The following C3orf20 variants were observed in gnomAD, a reference collection of about 807,000 sequenced individuals.
The protein encoded by C3orf20 is family with sequence similarity 149 member C.
Under a neutral mutation model 88.3 loss-of-function variants are expected in C3orf20, and 76 were observed. The ratio of observed to expected loss-of-function variants is 0.86; its 90% CI spans 0.72 to 1.04. The LOEUF (loss-of-function observed/expected upper bound fraction) is 1.04, where lower values mean the gene tolerates loss of function less well. Among genes scored for constraint, C3orf20 ranks in the 50% least tolerant of loss-of-function variants. The probability of loss-of-function intolerance (pLI) is 0.00; values close to 1 mark genes in which losing one functional copy is unlikely to be tolerated. For missense variants in C3orf20, 1,056 were observed against 1,123.3 expected, an observed-to-expected ratio of 0.94 and a Z score of 0.86; for synonymous variants, 436 against 437.4, an observed-to-expected ratio of 1.00 and a Z score of 0.04.
intron 7 of C3orf20, among the ~76,000 whole-genome samples, chr3:14,705,739 G>A (rs963843834): frequency 1.3e-5 from 2 of 152,100 alleles, no homozygotes; most frequent in African/African-American, 2.4e-5. Context: ...CTTATTCCAG[G>A]TTACACAGTC....
rs764690622 is a variant in C3orf20 at position 14,682,901 on chromosome 3, C to A, written c.188C>A (p.Pro63Gln). 1.9e-6 allele frequency: 3 copies of A among 1,614,162 alleles called. No individual in the cohort carries two copies. The highest frequency in any genetic ancestry group is 1.7e-5 in the Admixed American group (1 of 60,018). ...ATCAGTGACCCTTCAGTGCCTACCC[C>A]GTCCGACATCTTGGGCCTGGAGGTC... The part of the protein sequence containing the change: ...ELISDPSVPT[P>Q]SDILGLEVSF... Residue 63 changes from proline (P) to glutamine (Q), a missense_variant, in exon 3 of 17, where the codon CCG (proline) becomes CAG (glutamine). Transcript: ENST00000253697.
At chr3:14,742,966 T>C (rs916012153) in intron 12 of C3orf20, among the ~76,000 whole-genome samples, 9 of 151,378 alleles carry the variant, frequency 5.9e-5, no homozygotes, top group African/African-American at 2.0e-4. Context: ...GAGATAAAAT[T>C]CAAGTTGAGA....
At chr3:14,760,448 C>T (rs1383443005) in intron 14 of C3orf20, among the ~76,000 whole-genome samples, 1 of 152,148 alleles carries the variant, frequency 6.6e-6, no homozygotes, top group East Asian at 1.9e-4. Flanking sequence ...CTGCAAGGGC[C>T]ACCACATGCT....
rs561343566 is a variant in C3orf20, at chr3:14,757,544, G to C, written c.2114G>C (p.Arg705Pro). 6.2e-7 allele frequency: 1 copy of C among 1,613,988 alleles called. No individual in the cohort carries two copies. Among genetic ancestry groups the C allele is most frequent in the Admixed American group, 1.7e-5 (1 of 60,008 alleles). ...VELERFLLAP[R>P]DPSQVLVFGI... is the part of the protein sequence containing the mutation. ...CTGGAGCGCTTCCTGTTGGCGCCCCGAGACCCCAGCCAAGTGCTGGTGTTT... is the reference window on the plus strand; with the variant it reads ...CTGGAGCGCTTCCTGTTGGCGCCCCCAGACCCCAGCCAAGTGCTGGTGTTT... Residue 705 changes from arginine to proline, a missense_variant, in exon 13 of 17, where the codon CGA becomes CCA. Physicochemically the swap from Arg to Pro is moderately radical, Grantham distance 103 (BLOSUM62 -2). Transcript: ENST00000253697.
intron 7 of C3orf20, among the ~76,000 whole-genome samples, chr3:14,707,273 G>A (rs1402629178): frequency 3.1e-5 from 4 of 127,680 alleles, no homozygotes; most frequent in South Asian, 2.6e-4. Flanking sequence ...AAAAAGATAC[G>A]TCTGCACTGG....
chr3:14,728,728 T>C (rs1262422103), intron 12 of C3orf20, 40 bp downstream of exon 12: 1 of 1,599,782 alleles, frequency 6.3e-7, no homozygotes, highest in Admixed American at 1.7e-5. Flanking sequence ...CATCGGGTGT[T>C]GTGATGGGCA....
chr3:14,737,118 A>C (rs1575140209), intron 12 of C3orf20, among the ~76,000 whole-genome samples: 1 of 152,130 alleles, frequency 6.6e-6, no homozygotes, highest in African/African-American at 2.4e-5. Flanking sequence ...TTTTCATTGT[A>C]CTTATCCAGT....
chr3:14,767,766 A>T (rs1005731647), intron 15 of C3orf20, among the ~76,000 whole-genome samples: 1 of 152,262 alleles, frequency 6.6e-6, no homozygotes, highest in Admixed American at 6.5e-5. Flanking sequence ...GTAAACCAGA[A>T]AGCATCTTCT....
At chr3:14,738,630 C>CTT (rs34407504) in intron 12 of C3orf20, among the ~76,000 whole-genome samples, 2,519 of 73,446 alleles carry the variant, frequency 0.034, 148 homozygotes, top group East Asian at 0.1. Context: ...CATGCCCGGC[C>CTT]TTTTTTTTTT....
chr3:14,727,827 A>G (rs973767115), intron 11 of C3orf20, among the ~76,000 whole-genome samples: 2 of 152,130 alleles, frequency 1.3e-5, no homozygotes, highest in African/African-American at 4.8e-5. Flanking sequence ...CTAATTATAC[A>G]TCTTACTACT....
intron 12 of C3orf20, among the ~76,000 whole-genome samples, chr3:14,748,476 T>C (rs1274572020): frequency 1.3e-5 from 2 of 152,170 alleles, no homozygotes; most frequent in African/African-American, 4.8e-5. Flanking sequence ...CCAATCATTA[T>C]TATTTTCTTC....
At chr3:14,725,927 T>A (rs2034330035) in intron 10 of C3orf20, among the ~76,000 whole-genome samples, 1 of 149,062 alleles carries the variant, frequency 6.7e-6, no homozygotes, top group Non-Finnish European at 1.5e-5. Context: ...GGGACATGTG[T>A]GAAAGTTCAG....
At chr3:14,689,535 A>G (rs896426726) in intron 4 of C3orf20, among the ~76,000 whole-genome samples, 1 of 152,216 alleles carries the variant, frequency 6.6e-6, no homozygotes, top group African/African-American at 2.4e-5. Flanking sequence ...GTGGTCAGAT[A>G]TCAAACGATT....
In C3orf20 at chr3:14,728,610, A is replaced by G. The variant is rs779181502; in HGVS notation, c.1862A>G (p.Lys621Arg). 2.5e-6 allele frequency: 4 copies of G among 1,614,192 alleles called. No individual in the cohort carries two copies. The highest frequency in any genetic ancestry group is 8.5e-7 in the Non-Finnish European group (1 of 1,180,018). ...GAATCCTCAATTGCAGAGACTTTGA[A>G]GGATGAGCCTGAGTCTGCTCCTGTG... ...HLESSIAETL[K>R]DEPESAPVSP... Residue 621 changes from lysine to arginine, a missense_variant, in exon 12 of 17, where the codon AAG becomes AGG. Coordinates refer to ENST00000253697, the MANE Select transcript of C3orf20 (RefSeq NM_032137.5).
At chr3:14,756,269 C>T (rs912245212) in intron 12 of C3orf20, among the ~76,000 whole-genome samples, 4 of 151,666 alleles carry the variant, frequency 2.6e-5, no homozygotes, top group Admixed American at 6.6e-5. Context: ...CGCTTATTCC[C>T]GTGTAAATAC....
At chr3:14,766,362 C>T (rs2125043894) in intron 15 of C3orf20, among the ~76,000 whole-genome samples, 1 of 152,308 alleles carries the variant, frequency 6.6e-6, no homozygotes, top group South Asian at 2.1e-4. Context: ...TCCAGGCCCC[C>T]AGATGGAGGG....
At chr3:14,686,982 GA>G (rs2032463268) in intron 4 of C3orf20, among the ~76,000 whole-genome samples, 1 of 152,204 alleles carries the variant, frequency 6.6e-6, no homozygotes, top group East Asian at 1.9e-4. Context: ...AAGATTTCAT[GA>G]AGTCAATGAA....
intron 10 of C3orf20, among the ~76,000 whole-genome samples, chr3:14,723,777 G>GTTTTATTTTA (rs201184448): frequency 2.8e-5 from 4 of 142,686 alleles, no homozygotes; most frequent in Admixed American, 7.0e-5. Flanking sequence ...AAGGCCATTG[G>GTTTTATTTTA]TTTTATTTTA....
In C3orf20 at chr3:14,707,546, ATTGAG is replaced by A. The variant is rs546264989; in HGVS notation, c.1160+2932_1160+2936del. Among the ~76,000 whole-genome samples the A allele has an allele frequency of 2.5e-4, 37 of 150,830 alleles. No homozygotes were observed. In the South Asian group the frequency reaches 7.7e-3, roughly 32 times the overall value. Reference sequence around the variant, plus strand: ...TATTGAAGTCCTTGTTCATGTTTAGATTGAGTTGTCTTTCTTTAAAACAAGTTGTA... The same window carrying A: ...TATTGAAGTCCTTGTTCATGTTTAGATTGTCTTTCTTTAAAACAAGTTGTA... On this transcript the variant is annotated intron_variant, in intron 7 of 16. Transcript: ENST00000253697.
Sources: gnomAD v4.1 joint callset for allele counts (sites outside exome capture counted in the v4.1 genomes callset) on GRCh38, gnomAD v4.1.1 for gene constraint, MANE v1.5 for transcripts, NCBI Gene and HGNC (gene_info 2026-07-23, HGNC 2026-07-21) for gene names.